CYP4Z1: variants seen among roughly 807,000 people sequenced by gnomAD.
The protein encoded by CYP4Z1 is cytochrome P450 family 4 subfamily Z member 1, also known as cytochrome P450 4Z1.
In CYP4Z1, 41 loss-of-function variants were observed where a neutral mutation model predicts 54.2. The observed-to-expected ratio is 0.76, with a 90% CI of 0.59 to 0.98. The LOEUF is 0.98. Ranked by LOEUF, CYP4Z1 falls within the 50% of genes least tolerant of loss-of-function variation. The pLI, the probability that CYP4Z1 is intolerant of heterozygous loss-of-function variation, is 0.00. For synonymous variants in CYP4Z1, 163 were observed against 206.2 expected, an observed-to-expected ratio of 0.79 and a Z score of 1.79; for missense variants, 513 against 599.0, an observed-to-expected ratio of 0.86 and a Z score of 1.50.
intron 2 of CYP4Z1, 77 bp downstream of exon 2, chr1:47,068,840 C>T (rs1644471692): frequency 6.6e-7 from 1 of 1,525,816 alleles, no homozygotes; most frequent in Non-Finnish European, 8.8e-7. Flanking sequence ...TAGGGAAGGA[C>T]AGGTTGAAGC....
At chr1:47,096,929 C>T (rs1194035576) in intron 7 of CYP4Z1, 1 of 152,292 alleles carries the variant, frequency 6.6e-6, no homozygotes, top group Non-Finnish European at 1.5e-5. Context: ...TGTGCCTGGC[C>T]TCATTAGCTA....
At position 47,068,677 on chromosome 1, in the gene CYP4Z1, G is replaced by T. The variant is rs1644469177; in HGVS notation, c.233G>T (p.Cys78Phe). The T allele has an allele frequency of 6.2e-7, 1 of 1,614,122 alleles. No homozygotes were observed. The highest frequency in any genetic ancestry group is 8.5e-7 in the Non-Finnish European group (1 of 1,180,000). ...CATAAGCTGATGGAAAAATACCCAT[G>T]TGCTGTTCCCTTGTGGGTTGGACCC... The part of the protein sequence containing the change: ...VYHKLMEKYP[C>F]AVPLWVGPFT... The change falls in exon 2 of 12, where the codon TGT becomes TTT. Residue 78 changes from cysteine to phenylalanine, a missense_variant. By Grantham distance (205) the Cys-to-Phe change is radical (BLOSUM62 -2). Transcript: ENST00000334194.
At chr1:47,079,950 G>A (rs145256636) in intron 2 of CYP4Z1, among the ~76,000 whole-genome samples, 2 of 151,418 alleles carry the variant, frequency 1.3e-5, no homozygotes, top group African/African-American at 4.9e-5. Context: ...TAGAACTCAA[G>A]GTATTTTATA....
At chr1:47,068,899 GTCC>G in intron 2 of CYP4Z1, 136 bp downstream of exon 2, 1 of 1,169,074 alleles carries the variant, frequency 8.6e-7, no homozygotes, top group Non-Finnish European at 1.2e-6. Context: ...AAGATTCCAT[GTCC>G]TCCTCAACAT....
chr1:47,106,863 T>C (rs139587731), intron 9 of CYP4Z1, among the ~76,000 whole-genome samples: 8 of 152,336 alleles, frequency 5.3e-5, no homozygotes, highest in African/African-American at 1.4e-4. Context: ...GATTAATACA[T>C]TGGTGGAATG....
At chr1:47,085,153 T>C (rs1379452043) in intron 6 of CYP4Z1, among the ~76,000 whole-genome samples, 175 bp downstream of exon 6, 1 of 152,170 alleles carries the variant, frequency 6.6e-6, no homozygotes, top group Non-Finnish European at 1.5e-5. Flanking sequence ...GAGGGTATTA[T>C]ATTATTGACT....
At chr1:47,090,717 G>C (rs1276537816) in intron 6 of CYP4Z1, among the ~76,000 whole-genome samples, 1 of 151,668 alleles carries the variant, frequency 6.6e-6, no homozygotes, top group Non-Finnish European at 1.5e-5. Context: ...CATTGATATG[G>C]AGACATTCCT....
intron 2 of CYP4Z1, among the ~76,000 whole-genome samples, chr1:47,077,750 A>G (rs1644536154): frequency 6.6e-6 from 1 of 151,594 alleles, no homozygotes; most frequent in South Asian, 2.1e-4. Flanking sequence ...CCTCCTGAGC[A>G]GTTGGAACTA....
intron 2 of CYP4Z1, among the ~76,000 whole-genome samples, chr1:47,070,364 A>G (rs1168538198): frequency 8.9e-6 from 1 of 111,924 alleles, no homozygotes; most frequent in Non-Finnish European, 1.7e-5. Flanking sequence ...CATTAAATAC[A>G]TTTACATTGT....
chr1:47,103,515 G>T (rs1263411402), intron 8 of CYP4Z1, among the ~76,000 whole-genome samples: 1 of 150,602 alleles, frequency 6.6e-6, no homozygotes, highest in African/African-American at 2.4e-5. Context: ...CTCATATCCT[G>T]AATTTCTTGT....
At chr1:47,117,351 T>C (rs541569493) in intron 11 of CYP4Z1, among the ~76,000 whole-genome samples, 33 of 152,266 alleles carry the variant, frequency 2.2e-4, no homozygotes, top group Admixed American at 3.9e-4. Flanking sequence ...CCCAAAATAA[T>C]AGAGCCACAG....
chr1:47,057,345 T>A, the CYP4Z1 span, among the ~76,000 whole-genome samples: 4,036 of 20,914 alleles, frequency 0.19, 408 homozygotes, highest in East Asian at 0.38. Flanking sequence ...AATATATATA[T>A]ATATATATAT....
chr1:47,058,046 T>C, the CYP4Z1 span, among the ~76,000 whole-genome samples: 1,434 of 152,058 alleles, frequency 9.4e-3, 11 homozygotes, highest in African/African-American at 0.032. Flanking sequence ...AAAAAAACTA[T>C]TTATCAAAAA....
At chr1:47,108,787 T>G (rs1460393861) in intron 9 of CYP4Z1, among the ~76,000 whole-genome samples, 2 of 152,050 alleles carry the variant, frequency 1.3e-5, no homozygotes, top group African/African-American at 4.8e-5. Flanking sequence ...AACCTATTCC[T>G]CCTCCTGGAT....
upstream of CYP4Z1, among the ~76,000 whole-genome samples, chr1:47,062,526 G>A (rs1644429473): frequency 6.6e-6 from 1 of 152,210 alleles, no homozygotes; most frequent in Non-Finnish European, 1.5e-5. Context: ...TGGCCTTTAG[G>A]TCTCCAGGCT....
At chr1:47,109,136 TATACAC>T (rs1480996863) in intron 9 of CYP4Z1, among the ~76,000 whole-genome samples, 1 of 152,048 alleles carries the variant, frequency 6.6e-6, no homozygotes, top group Non-Finnish European at 1.5e-5. Context: ...AGATCCTACT[TATACAC>T]ATACACTGAA....
At chr1:47,104,062 C>T (rs1557632286) in intron 8 of CYP4Z1, among the ~76,000 whole-genome samples, 1 of 152,130 alleles carries the variant, frequency 6.6e-6, no homozygotes. Flanking sequence ...ATTTGTGCAT[C>T]TTGTGTAACA....
intron 1 of CYP4Z1, among the ~76,000 whole-genome samples, chr1:47,068,290 C>T (rs1644465134): frequency 1.3e-5 from 2 of 152,186 alleles, no homozygotes. Flanking sequence ...TATATTTGGT[C>T]TTCCTATTAT....
Position 47,085,341 on chromosome 1 carries a change from G to C in CYP4Z1, c.772+363G>C, listed in dbSNP as rs142959971. Reference sequence around the variant, plus strand: ...TCTGAGCAAGTACTGAACATGAGTGGGTACTGCCTACTATGCACAGTTCAT... The same window carrying C: ...TCTGAGCAAGTACTGAACATGAGTGCGTACTGCCTACTATGCACAGTTCAT... On this transcript the variant is annotated intron_variant, in intron 6 of 11. Transcript: ENST00000334194. Among the ~76,000 whole-genome samples, 763 of 152,030 alleles carry C rather than the reference G, an allele frequency of 5.0e-3. 6 individuals are homozygous for C. Among genetic ancestry groups the C allele is most frequent in the African/African-American group, 0.017 (711 of 41,450 alleles).
Sources: gnomAD v4.1 joint callset for allele counts (sites outside exome capture counted in the v4.1 genomes callset) on GRCh38, gnomAD v4.1.1 for gene constraint, MANE v1.5 for transcripts, NCBI Gene and HGNC (gene_info 2026-07-23, HGNC 2026-07-21) for gene names.